Variants in TSHR observed in about 807,000 individuals in gnomAD.
TSHR encodes thyroid stimulating hormone receptor, also known as thyrotropin receptor.
In TSHR, 51 loss-of-function variants were observed where a neutral mutation model predicts 64.1. The observed-to-expected ratio is 0.80, with a 90% CI of 0.64 to 1.01. TSHR has a LOEUF of 1.01. TSHR is among the 50% of genes least tolerant of loss of function. The pLI is 0.00. For synonymous variants in TSHR, 361 were observed against 361.9 expected (o/e 1.00, Z 0.03); for missense variants, 877 against 942.8 (o/e 0.93, Z 0.91).
chr14:80,990,870 G>T (rs372366093), intron 1 of TSHR, among the ~76,000 whole-genome samples: 9 of 152,126 alleles, frequency 5.9e-5, no homozygotes, highest in African/African-American at 2.2e-4. Context: ...GGCCAGGCTG[G>T]TCTCGAACTC....
intron 8 of TSHR, among the ~76,000 whole-genome samples, chr14:81,132,837 T>C (rs1172581969): frequency 2.1e-5 from 3 of 145,208 alleles, no homozygotes; most frequent in Admixed American, 6.7e-5. Context: ...AACAACTCTT[T>C]ATATTCTTCT....
At chr14:80,989,257 G>A (rs1476979503) in intron 1 of TSHR, among the ~76,000 whole-genome samples, 1 of 152,000 alleles carries the variant, frequency 6.6e-6, no homozygotes, top group Admixed American at 6.6e-5. Flanking sequence ...CCACTTCCCT[G>A]CCCACTGCTC....
chr14:80,988,863 C>G (rs1207005349), intron 1 of TSHR, among the ~76,000 whole-genome samples: 5 of 152,162 alleles, frequency 3.3e-5, no homozygotes, highest in Non-Finnish European at 5.9e-5. Flanking sequence ...GGCATTCCCC[C>G]AAACTACTCC....
In TSHR at chr14:81,081,407, G is replaced by A. The variant is rs117327545; in HGVS notation, c.318-6547G>A. On this transcript the variant is annotated intron_variant, in intron 3 of 9. Transcript: ENST00000298171. ...GATAGAGATGAAGATTGCATAGAGT[G>A]AAGTATGGGGGAGGGGCGCAGAGCT... Among the ~76,000 whole-genome samples the A allele has an allele frequency of 4.7e-3, 715 of 152,242 alleles. 10 individuals are homozygous for A. The highest frequency in any genetic ancestry group is 5.6e-3 in the Non-Finnish European group (383 of 68,016).
rs544578581 is a variant in TSHR at position 81,041,386 on chromosome 14, G to C, written c.171-20762G>C. ...CTTTGCAGGGACATGGATGAAGCTA[G>C]GGGCAATTATCCTTAGCAAACAAAT... On this transcript the variant is annotated intron_variant, in intron 1 of 9. Transcript: ENST00000298171. Among the ~76,000 whole-genome samples the C allele has an allele frequency of 2.6e-5, 4 of 152,268 alleles. No individual in the cohort carries two copies. In the East Asian group the frequency reaches 7.7e-4, roughly 29 times the overall value.
chr14:80,977,482 C>G (rs1887940144), intron 1 of TSHR, among the ~76,000 whole-genome samples: 1 of 152,190 alleles, frequency 6.6e-6, no homozygotes, highest in African/African-American at 2.4e-5. Flanking sequence ...CTTCCATGGT[C>G]AAATATTCAG....
At chr14:81,002,963 A>C (rs1889419105) in intron 1 of TSHR, among the ~76,000 whole-genome samples, 1 of 79,878 alleles carries the variant, frequency 1.3e-5, no homozygotes, top group African/African-American at 4.3e-5. Context: ...ATATCTCCCA[A>C]TGCTATCCCT....
At chr14:81,061,725 C>CA (rs199539203) in intron 1 of TSHR, among the ~76,000 whole-genome samples, 19 of 151,478 alleles carry the variant, frequency 1.3e-4, no homozygotes, top group East Asian at 3.9e-4. Context: ...ATAATCAGTA[C>CA]AAAAAAAACC....
At chr14:81,021,941 T>C (rs1411872763) in intron 1 of TSHR, among the ~76,000 whole-genome samples, 1 of 152,150 alleles carries the variant, frequency 6.6e-6, no homozygotes, top group Admixed American at 6.5e-5. Flanking sequence ...TGGCATCCAA[T>C]GCATGGACTT....
chr14:81,092,586 C>T lies in TSHR; in HGVS notation c.523C>T (p.Leu175=). ...AATCCCTGTGAATGCTTTTCAGGGA[C>T]TATGCAATGAAACCTTGACACTGTG... is the stretch of plus-strand genomic sequence containing the variant. ...TSIPVNAFQG[L]CNETLTLKLY... is the part of the protein sequence containing the mutation. Residue 175 remains leucine, a synonymous_variant, in exon 6 of 10, where the codon CTA becomes TTA. Coordinates refer to ENST00000298171, the MANE Select transcript of TSHR (RefSeq NM_000369.5). 1 of 1,614,038 alleles carries T rather than the reference C, an allele frequency of 6.2e-7. No homozygotes were observed. Among genetic ancestry groups the T allele is most frequent in the Non-Finnish European group, 8.5e-7 (1 of 1,179,954 alleles).
At chr14:80,993,259 C>T in intron 1 of TSHR, 1 of 152,170 alleles carries the variant, frequency 6.6e-6, no homozygotes, top group Non-Finnish European at 1.5e-5. Flanking sequence ...GGAATGGACT[C>T]CTCTGGACGG....
At chr14:81,068,120 G>A in intron 2 of TSHR, 134 bp from the exon 3 acceptor site, 1 of 737,542 alleles carries the variant, frequency 1.4e-6, no homozygotes, top group South Asian at 1.6e-5. Context: ...AACATAATTT[G>A]GCAGAATCCA....
Position 81,144,641 on chromosome 14 carries a change from T to C in TSHR, c.*288T>C. The C allele has an allele frequency of 4.4e-6, 2 of 450,902 alleles. No individual in the cohort carries two copies. Among genetic ancestry groups the C allele is most frequent in the Non-Finnish European group, 8.0e-6 (2 of 250,372 alleles). The allele number at this position is 450,902 out of a possible 1,614,324, so 27.9% of individuals were successfully genotyped here. A position where few individuals can be genotyped will look rare whatever the true frequency, so the allele number is the denominator to read the frequency against. On this transcript the variant is annotated 3_prime_UTR_variant, in exon 10 of 10. Transcript: ENST00000298171. ...CTTGATGCCAAGTCCAGAGATGTCATTGTGTAGGATGTTCAGTAAATATTA... is the reference window on the plus strand; with the variant it reads ...CTTGATGCCAAGTCCAGAGATGTCACTGTGTAGGATGTTCAGTAAATATTA...
chr14:80,955,736 T>A lies in TSHR; in HGVS notation c.56T>A (p.Leu19Gln). 1 of 1,614,148 alleles carries A rather than the reference T, an allele frequency of 6.2e-7. No homozygotes were observed. Among genetic ancestry groups the A allele is most frequent in the Non-Finnish European group, 8.5e-7 (1 of 1,180,020 alleles). Residue 19 changes from leucine (L) to glutamine (Q), a missense_variant, in exon 1 of 10, where the codon CTG becomes CAG. Leu to Gln is a moderately radical substitution (Grantham distance 113). Transcript: ENST00000298171. ...LVLLLDLPRDLGGMGCSSPPC... is the reference protein window; with the variant it reads ...LVLLLDLPRDQGGMGCSSPPC... ...CTGCTGCTCGACCTGCCCAGGGACC[T>A]GGGCGGAATGGGGTGTTCGTCTCCA...
intron 3 of TSHR, chr14:81,087,595 A>T: frequency 1.2e-5 from 4 of 324,966 alleles, no homozygotes; most frequent in Non-Finnish European, 2.4e-5. Flanking sequence ...CTTATAAATA[A>T]TAAAGATATT....
At chr14:80,967,553 G>A (rs1887384847) in intron 1 of TSHR, among the ~76,000 whole-genome samples, 1 of 151,994 alleles carries the variant, frequency 6.6e-6, no homozygotes, top group Non-Finnish European at 1.5e-5. Flanking sequence ...CCAAAATGCT[G>A]GGATTACAAG....
intron 1 of TSHR, among the ~76,000 whole-genome samples, chr14:81,009,184 T>C (rs1566760933): frequency 6.6e-6 from 1 of 152,224 alleles, no homozygotes; most frequent in African/African-American, 2.4e-5. Flanking sequence ...TTTTATGTCC[T>C]CTTCATTTGT....
At chr14:80,978,852 T>C (rs912124149) in intron 1 of TSHR, among the ~76,000 whole-genome samples, 1 of 152,258 alleles carries the variant, frequency 6.6e-6, no homozygotes, top group African/African-American at 2.4e-5. Context: ...ATTTAAATGA[T>C]GCTGGATGGT....
At chr14:80,973,153 C>A (rs1241030013) in intron 1 of TSHR, among the ~76,000 whole-genome samples, 1 of 152,042 alleles carries the variant, frequency 6.6e-6, no homozygotes, top group Non-Finnish European at 1.5e-5. Context: ...CGCCTGTAAT[C>A]CCAGCACTTT....
Sources: allele counts gnomAD v4.1 joint callset (sites outside exome capture counted in the v4.1 genomes callset), GRCh38; gene constraint gnomAD v4.1.1; transcripts MANE v1.5; gene names NCBI Gene and HGNC (gene_info 2026-07-23, HGNC 2026-07-21).